CD27: variants seen among roughly 807,000 people sequenced by gnomAD.
CD27 encodes CD27 molecule, also known as CD27 antigen.
In CD27, 16 loss-of-function variants were observed where a neutral mutation model predicts 25.9. That is an observed-to-expected ratio of 0.62 (90% CI 0.42 to 0.94). The LOEUF is 0.94. Among genes scored for constraint, CD27 ranks in the 40% least tolerant of loss-of-function variants. The probability of loss-of-function intolerance (pLI) is 0.00; values close to 1 mark genes in which losing one functional copy is unlikely to be tolerated. For synonymous variants in CD27, 142 were observed against 124.3 expected, an observed-to-expected ratio of 1.14 and a Z score of -0.95; for missense variants, 300 against 333.2, an observed-to-expected ratio of 0.90 and a Z score of 0.78.
In CD27 at chr12:6,451,411, T is replaced by C. The variant is rs778705752; in HGVS notation, c.*19T>C. ...CCCCTGAGCCAGCACCTGCGGGAGC[T>C]GCACTACAGCCCTGGCCTCCACCCC... On this transcript the variant is annotated 3_prime_UTR_variant, in exon 6 of 6. Transcript: ENST00000266557. The C allele has an allele frequency of 3.1e-6, 5 of 1,609,466 alleles. No individual in the cohort carries two copies. The Admixed American group carries it at 8.4e-5, about 27-fold the overall frequency.
rs771831234 is a variant in CD27 at position 6,445,517 on chromosome 12, C to T, written c.230C>T (p.Thr77Ile). The T allele has an allele frequency of 9.9e-6, 16 of 1,613,966 alleles. No homozygotes were observed. In the South Asian group the frequency reaches 1.6e-4, roughly 17 times the overall value. ...PGVSFSPDHHTRPHCESCRHC... is the reference protein window; with the variant it reads ...PGVSFSPDHHIRPHCESCRHC... ...GTCTCCTTCTCTCCTGACCACCACA[C>T]CCGGCCCCACTGTGAGAGCTGTCGG... is the stretch of plus-strand genomic sequence containing the variant. The change falls in exon 2 of 6, where the codon ACC (threonine) becomes ATC (isoleucine). Residue 77 changes from threonine (T) to isoleucine (I), a missense_variant. By Grantham distance (89) the Thr-to-Ile change is moderately conservative. Coordinates refer to ENST00000266557, the MANE Select transcript of CD27 (RefSeq NM_001242.5). This position sits in a 1 kb window ranked among gnomAD's most constrained non-coding sequence, Gnocchi z 4.5.
chr12:6,451,613 T>C lies in CD27; in HGVS notation c.*221T>C, dbSNP rs1026646188. On this transcript the variant is annotated 3_prime_UTR_variant, in exon 6 of 6. Coordinates refer to ENST00000266557, the MANE Select transcript of CD27 (RefSeq NM_001242.5). ...AAGCAGGAGCCCAGCCAGCTGCGCC[T>C]GCGCTGCAGGAGGGCGGGGGCTCTG... 6 of 512,274 alleles carry C rather than the reference T, an allele frequency of 1.2e-5. No individual in the cohort carries two copies. Among genetic ancestry groups the C allele is most frequent in the Non-Finnish European group, 2.1e-5 (6 of 291,346 alleles). The allele number at this position is 512,274 out of a possible 1,614,324, so 31.7% of individuals were successfully genotyped here. A position where few individuals can be genotyped will look rare whatever the true frequency, so the allele number is the denominator to read the frequency against.
intron 5 of CD27, 51 bp from the exon 6 acceptor site, chr12:6,451,217 T>A: frequency 1.3e-6 from 2 of 1,598,360 alleles, no homozygotes; most frequent in Middle Eastern, 3.4e-4. Context: ...CCTTCTCCCG[T>A]CTCCCCCTGC....
rs2136960217 is a variant in CD27 at position 6,445,137 on chromosome 12, C to A, written c.42C>A (p.Thr14=). The A allele has an allele frequency of 6.2e-7, 1 of 1,607,952 alleles. No homozygotes were observed. The highest frequency in any genetic ancestry group is 1.1e-5 in the South Asian group (1 of 90,220). The change falls in exon 1 of 6, where the codon ACC becomes ACA. Residue 14 remains threonine, a synonymous_variant. Coordinates refer to ENST00000266557, the MANE Select transcript of CD27 (RefSeq NM_001242.5). The surrounding 1 kb of genome is among the most constrained non-coding windows in gnomAD (Gnocchi z 4.5). ...CCTGGTGGCTGTGCGTTCTGGGGAC[C>A]CTGGTGGGGCTCTCAGCTACTCCAG... The part of the protein sequence containing the change: ...PHPWWLCVLG[T]LVGLSATPAP...
rs1303415202 is a variant in CD27, at chr12:6,450,076, G to A, written c.269-97G>A. The stretch of plus-strand genomic sequence containing the variant: ...TGGAAAGGGAAGCACGTCCCTAGAG[G>A]TGGGCCTGGGATGGGGGTTGGGGGA... On this transcript the variant is annotated intron_variant, in intron 2 of 5. Transcript: ENST00000266557. The surrounding 1 kb of genome is among the most constrained non-coding windows in gnomAD (Gnocchi z 4.1). The A allele has an allele frequency of 2.7e-6, 3 of 1,094,192 alleles. No individual in the cohort carries two copies. In the East Asian group the frequency reaches 7.3e-5, roughly 27 times the overall value. 67.8% of individuals were successfully genotyped at this position (1,094,192 alleles called of 1,614,324 possible).
At position 6,445,609 on chromosome 12, in the gene CD27, C is replaced by A. The variant is rs530880628; in HGVS notation, c.268+54C>A. On this transcript the variant is annotated intron_variant, in intron 2 of 5. Transcript: ENST00000266557. The surrounding 1 kb of genome is among the most constrained non-coding windows in gnomAD (Gnocchi z 4.5). ...GACGATGGACAAGCATCTGGGGGAG[C>A]AAGGCTGGTGACGGGTTTGGGGGTG... 410 of 1,592,770 alleles carry A rather than the reference C, an allele frequency of 2.6e-4. No homozygotes were observed. Among genetic ancestry groups the A allele is most frequent in the Non-Finnish European group, 3.3e-4 (392 of 1,171,096 alleles).
At position 6,451,508 on chromosome 12, in the gene CD27, C is replaced by T. The variant is rs1053697681; in HGVS notation, c.*116C>T. On this transcript the variant is annotated 3_prime_UTR_variant, in exon 6 of 6. Transcript: ENST00000266557. Reference sequence around the variant, plus strand: ...TGCAGTCCCATCCTCTTGTCAGGGCCCTTTCCTGTGTACACGTGACAGAGT... The same window carrying T: ...TGCAGTCCCATCCTCTTGTCAGGGCTCTTTCCTGTGTACACGTGACAGAGT... 9.7e-6 allele frequency: 11 copies of T among 1,130,828 alleles called. No individual in the cohort carries two copies. Among genetic ancestry groups the T allele is most frequent in the Non-Finnish European group, 1.4e-5 (11 of 796,762 alleles). The allele number at this position is 1,130,828 out of a possible 1,614,324, so 70.0% of individuals were successfully genotyped here.
intron 2 of CD27, among the ~76,000 whole-genome samples, chr12:6,449,649 T>C (rs1456775411): frequency 1.3e-5 from 2 of 151,744 alleles, no homozygotes; most frequent in Non-Finnish European, 2.9e-5. Flanking sequence ...AGGAGTTTAA[T>C]ACCAGCCTGG....
intron 5 of CD27, 86 bp downstream of exon 5, chr12:6,451,100 T>G (rs1211865507): frequency 6.3e-7 from 1 of 1,589,002 alleles, no homozygotes; most frequent in Non-Finnish European, 8.6e-7. Flanking sequence ...GGAATCTCAC[T>G]GAAACCCACC....
At chr12:6,448,987 T>C (rs1210854867) in intron 2 of CD27, among the ~76,000 whole-genome samples, 1 of 151,544 alleles carries the variant, frequency 6.6e-6, no homozygotes, top group East Asian at 1.9e-4. Flanking sequence ...CTAATATACT[T>C]TGTTTTGTTT....
At chr12:6,444,928 A>G, upstream of CD27, 1 of 694,478 alleles carries the variant, frequency 1.4e-6, no homozygotes, top group South Asian at 2.2e-5. Flanking sequence ...AGAGAGAAAA[A>G]AAAAACAGCC....
chr12:6,447,611 C>T (rs1198455761), intron 2 of CD27: 3 of 151,580 alleles, frequency 2.0e-5, no homozygotes, highest in African/African-American at 7.3e-5. Flanking sequence ...AACAATAGCA[C>T]CTCATTGTTT....
In CD27 at chr12:6,450,093, G is replaced by A. The variant is rs1291455779; in HGVS notation, c.269-80G>A. The A allele has an allele frequency of 3.7e-6, 5 of 1,341,830 alleles. No homozygotes were observed. Among genetic ancestry groups the A allele is most frequent in the Non-Finnish European group, 4.1e-6 (4 of 968,080 alleles). The allele number at this position is 1,341,830 out of a possible 1,614,324, so 83.1% of individuals were successfully genotyped here. A position where few individuals can be genotyped will look rare whatever the true frequency, so the allele number is the denominator to read the frequency against. ...CCCTAGAGGTGGGCCTGGGATGGGG[G>A]TTGGGGGATGAAGCAAGTGGACCTT... On this transcript the variant is annotated intron_variant, in intron 2 of 5. Transcript: ENST00000266557. This position sits in a 1 kb window ranked among gnomAD's most constrained non-coding sequence, Gnocchi z 4.1.
chr12:6,449,947 GA>G (rs1949490796), intron 2 of CD27, among the ~76,000 whole-genome samples: 1 of 152,180 alleles, frequency 6.6e-6, no homozygotes, highest in South Asian at 2.1e-4. Flanking sequence ...CTGAACCCAT[GA>G]ATCTTCCTTC....
chr12:6,451,475 G>A lies in CD27; in HGVS notation c.*83G>A. On this transcript the variant is annotated 3_prime_UTR_variant, in exon 6 of 6. Coordinates refer to ENST00000266557, the MANE Select transcript of CD27 (RefSeq NM_001242.5). ...ATCCAAGGGAGAGTGAGACCTGGCA[G>A]CCACAACTGCAGTCCCATCCTCTTG... 7.0e-7 allele frequency: 1 copy of A among 1,424,088 alleles called. No homozygotes were observed. The highest frequency in any genetic ancestry group is 9.6e-7 in the Non-Finnish European group (1 of 1,041,354). The allele number at this position is 1,424,088 out of a possible 1,614,324, so 88.2% of individuals were successfully genotyped here. A position where few individuals can be genotyped will look rare whatever the true frequency, so the allele number is the denominator to read the frequency against.
Position 6,450,798 on chromosome 12 carries a change from TG to T in CD27, c.539-92del. The T allele has an allele frequency of 1.3e-6, 2 of 1,548,588 alleles. No individual in the cohort carries two copies. Among genetic ancestry groups the T allele is most frequent in the Non-Finnish European group, 8.8e-7 (1 of 1,130,118 alleles). ...CGGTGGCGGGTGGGATAGAATAAGG[TG>T]GGGGAAAGGGGAGAGGCAAGGTGAC... On this transcript the variant is annotated intron_variant, in intron 4 of 5. Coordinates refer to ENST00000266557, the MANE Select transcript of CD27 (RefSeq NM_001242.5). This position sits in a 1 kb window ranked among gnomAD's most constrained non-coding sequence, Gnocchi z 4.1.
At position 6,450,390 on chromosome 12, in the gene CD27, T is replaced by C; in HGVS notation, c.448+38T>C. On this transcript the variant is annotated intron_variant, in intron 3 of 5. Transcript: ENST00000266557. The surrounding 1 kb of genome is among the most constrained non-coding windows in gnomAD (Gnocchi z 4.1). ...CAACTCTCTGTGCCATCACGTGGGG[T>C]AGCGGTGATACCCCAACCAGTACTC... The C allele has an allele frequency of 5.0e-6, 8 of 1,589,692 alleles. No homozygotes were observed. The highest frequency in any genetic ancestry group is 6.0e-6 in the Non-Finnish European group (7 of 1,166,008).
rs1462831179 is a variant in CD27 at position 6,451,370 on chromosome 12, C to G, written c.761C>G (p.Pro254Arg). 6.2e-7 allele frequency: 1 copy of G among 1,613,440 alleles called. No individual in the cohort carries two copies. Among genetic ancestry groups the G allele is most frequent in the African/African-American group, 1.3e-5 (1 of 75,038 alleles). ...CCCATCCAGGAGGATTACCGAAAAC[C>G]GGAGCCTGCCTGCTCCCCCTGAGCC... is the stretch of plus-strand genomic sequence containing the variant. ...TIPIQEDYRKPEPACSP is the reference protein window; with the variant it reads ...TIPIQEDYRKREPACSP Residue 254 changes from proline to arginine, a missense_variant, in exon 6 of 6, where the codon CCG becomes CGG. By Grantham distance (103) the Pro-to-Arg change is moderately radical (BLOSUM62 -2). Coordinates refer to ENST00000266557, the MANE Select transcript of CD27 (RefSeq NM_001242.5).
chr12:6,445,466 C>T lies in CD27; in HGVS notation c.179C>T (p.Ala60Val), dbSNP rs1949401979. The T allele has an allele frequency of 6.2e-7, 1 of 1,614,034 alleles. No individual in the cohort carries two copies. Among genetic ancestry groups the T allele is most frequent in the Non-Finnish European group, 8.5e-7 (1 of 1,180,022 alleles). ...VKDCDQHRKA[A>V]QCDPCIPGVS... ...GACTGTGACCAGCATAGAAAGGCTG[C>T]TCAGTGTGATCCTTGCATACCGGGG... The change falls in exon 2 of 6, where the codon GCT (alanine) becomes GTT (valine). Residue 60 changes from alanine (A) to valine (V), a missense_variant. By Grantham distance (64) the Ala-to-Val change is moderately conservative. Transcript: ENST00000266557. The surrounding 1 kb of genome is among the most constrained non-coding windows in gnomAD (Gnocchi z 4.5).
Sources: gnomAD v4.1 joint callset for allele counts (sites outside exome capture counted in the v4.1 genomes callset) on GRCh38, gnomAD v4.1.1 for gene constraint, Gnocchi (gnomAD v3.1) non-coding constraint, MANE v1.5 for transcripts, NCBI Gene and HGNC (gene_info 2026-07-23, HGNC 2026-07-21) for gene names.